GLRA3: variants seen among roughly 807,000 people sequenced by gnomAD.
GLRA3 encodes glycine receptor subunit alpha-3.
Under a neutral mutation model 60.4 loss-of-function variants are expected in GLRA3, and 44 were observed. The ratio of observed to expected loss-of-function variants is 0.73; its 90% CI spans 0.57 to 0.94. The LOEUF (loss-of-function observed/expected upper bound fraction) is 0.94, where lower values mean the gene tolerates loss of function less well. Ranked by LOEUF, GLRA3 falls within the 40% of genes least tolerant of loss-of-function variation. The probability of loss-of-function intolerance (pLI) is 0.00; values close to 1 mark genes in which losing one functional copy is unlikely to be tolerated. For missense variants in GLRA3, 508 were observed against 564.6 expected (o/e 0.90, Z 1.02); for synonymous variants, 223 against 192.9 (o/e 1.16, Z -1.29).
At chr4:174,736,826 C>G (rs2111158930) in intron 3 of GLRA3, among the ~76,000 whole-genome samples, 1 of 152,140 alleles carries the variant, frequency 6.6e-6, no homozygotes, top group Non-Finnish European at 1.5e-5. Flanking sequence ...ACATAAAACC[C>G]ATGGGAATCC....
intron 3 of GLRA3, among the ~76,000 whole-genome samples, chr4:174,732,661 G>A (rs529795955): frequency 6.6e-6 from 1 of 152,084 alleles, no homozygotes; most frequent in South Asian, 2.1e-4. Flanking sequence ...CCAATGATGA[G>A]GATGAATCTT....
chr4:174,729,874 T>G (rs540129701), intron 3 of GLRA3, among the ~76,000 whole-genome samples: 1 of 152,194 alleles, frequency 6.6e-6, no homozygotes, highest in Non-Finnish European at 1.5e-5. Flanking sequence ...CATCAGAATA[T>G]AGTAACCAAC....
rs1323255998 is a variant in GLRA3 at position 174,670,824 on chromosome 4, C to G, written c.927+6254G>C. On this transcript the variant is annotated intron_variant, in intron 7 of 9. Transcript: ENST00000274093. ...GGAGGTCCTAAGATGAAATGTAGAA[C>G]TAGAGATATCCATCAATTTCTATCC... Among the ~76,000 whole-genome samples the G allele has an allele frequency of 2.6e-5, 4 of 151,996 alleles. No individual in the cohort carries two copies. In the East Asian group the frequency reaches 7.7e-4, roughly 29 times the overall value.
chr4:174,783,052 G>A (rs1738956788), intron 2 of GLRA3, among the ~76,000 whole-genome samples: 1 of 152,140 alleles, frequency 6.6e-6, no homozygotes. Flanking sequence ...AGCATCACAC[G>A]ACCTGACTTC....
chr4:174,763,404 T>C (rs1738010612), intron 3 of GLRA3, among the ~76,000 whole-genome samples: 2 of 152,192 alleles, frequency 1.3e-5, no homozygotes, highest in Non-Finnish European at 2.9e-5. Context: ...TGAACTTTCT[T>C]TCAAAACATT....
At chr4:174,743,470 A>C (rs562557368) in intron 3 of GLRA3, among the ~76,000 whole-genome samples, 28 of 152,092 alleles carry the variant, frequency 1.8e-4, no homozygotes, top group African/African-American at 6.3e-4. Flanking sequence ...ATTTTGTTGA[A>C]TGTCCCTCAG....
chr4:174,732,167 C>T (rs1052383543), intron 3 of GLRA3, among the ~76,000 whole-genome samples: 1 of 152,162 alleles, frequency 6.6e-6, no homozygotes. Flanking sequence ...CCATCCTGGC[C>T]AACATGGTGA....
At chr4:174,673,584 A>G (rs1256835036) in intron 7 of GLRA3, among the ~76,000 whole-genome samples, 1 of 152,110 alleles carries the variant, frequency 6.6e-6, no homozygotes, top group African/African-American at 2.4e-5. Flanking sequence ...AGGGGAACAG[A>G]GAGAGAAGAT....
chr4:174,744,613 G>C (rs1368447027), intron 3 of GLRA3, among the ~76,000 whole-genome samples: 1 of 152,112 alleles, frequency 6.6e-6, no homozygotes, highest in South Asian at 2.1e-4. Context: ...CAAAGCCAAA[G>C]GGTTCTAACC....
intron 1 of GLRA3, among the ~76,000 whole-genome samples, chr4:174,790,195 T>C (rs1395858758): frequency 6.6e-6 from 1 of 152,174 alleles, no homozygotes; most frequent in Non-Finnish European, 1.5e-5. Context: ...CTGAGTCACT[T>C]GTTTCCCCAG....
intron 3 of GLRA3, among the ~76,000 whole-genome samples, chr4:174,739,435 G>A (rs979494948): frequency 1.3e-5 from 2 of 151,944 alleles, no homozygotes; most frequent in African/African-American, 4.8e-5. Context: ...CTTTTTTGTG[G>A]GCTCTGGGTA....
At chr4:174,768,926 A>G (rs1295142217) in intron 2 of GLRA3, among the ~76,000 whole-genome samples, 2 of 152,174 alleles carry the variant, frequency 1.3e-5, no homozygotes, top group East Asian at 3.8e-4. Flanking sequence ...GCTCTGAGTT[A>G]CACTCTATGT....
At chr4:174,656,409 C>T (rs187765872) in intron 9 of GLRA3, among the ~76,000 whole-genome samples, 7 of 152,078 alleles carry the variant, frequency 4.6e-5, no homozygotes, top group African/African-American at 7.2e-5. Flanking sequence ...TTTATGCAAG[C>T]ATCTGAGTGT....
chr4:174,809,068 C>T (rs1474309377), intron 1 of GLRA3, among the ~76,000 whole-genome samples: 4 of 152,154 alleles, frequency 2.6e-5, no homozygotes, highest in African/African-American at 9.7e-5. Context: ...CACTGACTCA[C>T]TTAATACTGC....
intron 7 of GLRA3, among the ~76,000 whole-genome samples, chr4:174,671,743 G>A (rs964464255): frequency 2.0e-5 from 3 of 152,016 alleles, no homozygotes; most frequent in African/African-American, 4.8e-5. Context: ...TCTGCCTCCC[G>A]GGTTTAAGTG....
chr4:174,783,264 A>T (rs190533921), intron 2 of GLRA3, among the ~76,000 whole-genome samples: 1,865 of 145,296 alleles, frequency 0.013, 46 homozygotes, highest in Middle Eastern at 0.11. Flanking sequence ...CTGGCTAGCC[A>T]TATGTAGAAA....
chr4:174,814,209 T>A (rs112919763), intron 1 of GLRA3, among the ~76,000 whole-genome samples: 1 of 152,188 alleles, frequency 6.6e-6, no homozygotes, highest in Middle Eastern at 3.4e-3. Context: ...AGTACCTGAG[T>A]TCTTGATGGC....
At chr4:174,669,743 T>C (rs77447918) in intron 7 of GLRA3, among the ~76,000 whole-genome samples, 2,986 of 152,126 alleles carry the variant, frequency 0.02, 42 homozygotes, top group Middle Eastern at 0.065. Flanking sequence ...ACTTTGCTAA[T>C]TAAAAAAGAA....
intron 3 of GLRA3, among the ~76,000 whole-genome samples, chr4:174,749,003 T>C (rs186261024): frequency 6.6e-6 from 1 of 152,312 alleles, no homozygotes; most frequent in Non-Finnish European, 1.5e-5. Flanking sequence ...GATTATAGTA[T>C]CATTGAGTTT....
Sources: gnomAD v4.1 joint callset for allele counts (sites outside exome capture counted in the v4.1 genomes callset) on GRCh38, gnomAD v4.1.1 for gene constraint, MANE v1.5 for transcripts, NCBI Gene and HGNC (gene_info 2026-07-23, HGNC 2026-07-21) for gene names.